The following KCNH8 variants were observed in gnomAD, a reference collection of about 807,000 sequenced individuals.
The protein encoded by KCNH8 is voltage-gated delayed rectifier potassium channel KCNH8.
A neutral mutation model predicts 103.6 loss-of-function variants in KCNH8; 70 were observed. The ratio of observed to expected loss-of-function variants is 0.68; its 90% CI spans 0.56 to 0.82. KCNH8 has a LOEUF of 0.82. KCNH8 is among the 40% of genes least tolerant of loss of function. The probability of loss-of-function intolerance (pLI) is 0.00; values close to 1 mark genes in which losing one functional copy is unlikely to be tolerated. For missense variants in KCNH8, 1,217 were observed against 1,329.9 expected, an observed-to-expected ratio of 0.92 and a Z score of 1.32; for synonymous variants, 498 against 489.4, an observed-to-expected ratio of 1.02 and a Z score of -0.23.
intron 10 of KCNH8, among the ~76,000 whole-genome samples, chr3:19,456,467 A>T (rs914704236): frequency 6.6e-5 from 10 of 152,084 alleles, no homozygotes; most frequent in African/African-American, 2.4e-4. Flanking sequence ...AATGGGAAGT[A>T]GAGGCCATTT....
intron 1 of KCNH8, among the ~76,000 whole-genome samples, chr3:19,216,632 CTTTA>C (rs765933192): frequency 6.6e-6 from 1 of 152,112 alleles, no homozygotes; most frequent in Non-Finnish European, 1.5e-5. Flanking sequence ...TCCTTGCCAC[CTTTA>C]TTTATGTGAT....
At chr3:19,517,950 TAAG>T (rs150776013) in intron 14 of KCNH8, 45 bp from the exon 15 acceptor site, 72,192 of 1,448,712 alleles carry the variant, frequency 0.05, 1,903 homozygotes, top group South Asian at 0.076. Flanking sequence ...TCCTCAAATA[TAAG>T]GTTTATTCCT....
intron 1 of KCNH8, among the ~76,000 whole-genome samples, chr3:19,222,084 C>T (rs1335492063): frequency 1.3e-5 from 2 of 152,104 alleles, no homozygotes; most frequent in South Asian, 2.1e-4. Flanking sequence ...CTCCTGACCC[C>T]GTGATCCTCC....
At position 19,438,340 on chromosome 3, in the gene KCNH8, A is replaced by G. The variant is rs2067231252; in HGVS notation, c.1354A>G (p.Ile452Val). ...ANTDAEKIFSICTMLIGALMH... is the reference protein window; with the variant it reads ...ANTDAEKIFSVCTMLIGALMH... ...TACAGATGCAGAAAAGATCTTCTCC[A>G]TCTGCACCATGCTGATTGGTGGTAA... The change falls in exon 8 of 16, where the codon ATC (isoleucine) becomes GTC (valine). Residue 452 changes from isoleucine to valine, a missense_variant. Ile to Val is a conservative substitution (Grantham distance 29, BLOSUM62 3). Coordinates refer to ENST00000328405, the MANE Select transcript of KCNH8 (RefSeq NM_144633.3). 6.2e-7 allele frequency: 1 copy of G among 1,613,888 alleles called. No homozygotes were observed. Among genetic ancestry groups the G allele is most frequent in the Admixed American group, 1.7e-5 (1 of 59,958 alleles).
chr3:19,374,009 G>A (rs1441282801), intron 5 of KCNH8, among the ~76,000 whole-genome samples: 3 of 152,164 alleles, frequency 2.0e-5, no homozygotes, highest in Non-Finnish European at 4.4e-5. Context: ...TACATTTGCT[G>A]AGGAGTGCTT....
At chr3:19,290,452 A>G (rs1178887215) in intron 3 of KCNH8, among the ~76,000 whole-genome samples, 1 of 152,214 alleles carries the variant, frequency 6.6e-6, no homozygotes, top group African/African-American at 2.4e-5. Context: ...AGTTTTTATC[A>G]TGAAGAGTTG....
intron 3 of KCNH8, among the ~76,000 whole-genome samples, chr3:19,335,475 A>ATG (rs2065571566): frequency 1.5e-5 from 1 of 66,940 alleles, no homozygotes; most frequent in African/African-American, 8.0e-5. Flanking sequence ...GTGTATATAT[A>ATG]TGTGTGTGTA....
Position 19,482,058 on chromosome 3 carries a change from A to T in KCNH8, c.2040+25076A>T, listed in dbSNP as rs190585271. On this transcript the variant is annotated intron_variant, in intron 11 of 15. Coordinates refer to ENST00000328405, the MANE Select transcript of KCNH8 (RefSeq NM_144633.3). ...TTCTTGTCCCTTTTAAAGGCTTACA[A>T]CTCTAAGGGTGTCCATGTGAGAGGG... 3.9e-5 allele frequency among the ~76,000 whole-genome samples: 6 copies of T among 152,088 alleles called. No homozygotes were observed. The South Asian group carries it at 8.3e-4, about 21-fold the overall frequency.
At chr3:19,330,607 G>C (rs1559479427) in intron 3 of KCNH8, among the ~76,000 whole-genome samples, 1 of 152,184 alleles carries the variant, frequency 6.6e-6, no homozygotes, top group Non-Finnish European at 1.5e-5. Context: ...ACAAACACAA[G>C]ATTTGGGAAA....
chr3:19,179,540 C>T (rs921861825), intron 1 of KCNH8, among the ~76,000 whole-genome samples: 1 of 152,020 alleles, frequency 6.6e-6, no homozygotes, highest in East Asian at 1.9e-4. Flanking sequence ...GGTAGTATTT[C>T]AGAACAAATT....
chr3:19,490,059 C>T (rs895309436), intron 11 of KCNH8, among the ~76,000 whole-genome samples: 2 of 152,208 alleles, frequency 1.3e-5, no homozygotes, highest in Non-Finnish European at 2.9e-5. Flanking sequence ...ACCGCTCTGA[C>T]GAGGCGTTCC....
chr3:19,206,124 G>C (rs1265606712), intron 1 of KCNH8, among the ~76,000 whole-genome samples: 1 of 139,460 alleles, frequency 7.2e-6, no homozygotes, highest in Non-Finnish European at 1.5e-5. Context: ...CATCCAGGTT[G>C]CTGTGAATGT....
intron 12 of KCNH8, among the ~76,000 whole-genome samples, chr3:19,512,175 G>A (rs2068794287): frequency 6.6e-6 from 1 of 152,294 alleles, no homozygotes; most frequent in Non-Finnish European, 1.5e-5. Flanking sequence ...ACTCTGTTGA[G>A]GGCCACTAGT....
intron 1 of KCNH8, among the ~76,000 whole-genome samples, chr3:19,204,413 G>C (rs59046749): frequency 6.6e-6 from 1 of 151,856 alleles, no homozygotes; most frequent in African/African-American, 2.4e-5. Flanking sequence ...CTCTTGCTGG[G>C]AGTGGGGGAA....
intron 11 of KCNH8, among the ~76,000 whole-genome samples, chr3:19,466,272 T>C (rs933373647): frequency 3.9e-5 from 6 of 152,132 alleles, no homozygotes; most frequent in Non-Finnish European, 8.8e-5. Context: ...TGAGATGGAA[T>C]CTACTCATGG....
At chr3:19,528,262 T>G (rs186499630) in intron 15 of KCNH8, among the ~76,000 whole-genome samples, 1 of 152,216 alleles carries the variant, frequency 6.6e-6, no homozygotes, top group East Asian at 1.9e-4. Context: ...GTTAGCCAAA[T>G]TTCAGTTGAT....
chr3:19,279,906 C>T (rs935496028), intron 2 of KCNH8, among the ~76,000 whole-genome samples: 4 of 152,048 alleles, frequency 2.6e-5, no homozygotes, highest in African/African-American at 9.7e-5. Flanking sequence ...TTCTGACCCT[C>T]ATATTTTTGT....
intron 1 of KCNH8, among the ~76,000 whole-genome samples, chr3:19,170,535 A>G (rs1383772156): frequency 6.7e-6 from 1 of 149,288 alleles, no homozygotes; most frequent in Non-Finnish European, 1.5e-5. Flanking sequence ...GGATGTTCCA[A>G]CTTCAATGTT....
intron 10 of KCNH8, among the ~76,000 whole-genome samples, chr3:19,452,508 T>A (rs1290160335): frequency 6.6e-6 from 1 of 152,176 alleles, no homozygotes; most frequent in Non-Finnish European, 1.5e-5. Flanking sequence ...CCAAAATCCT[T>A]GCCTGCATGA....
Sources: allele counts gnomAD v4.1 joint callset (sites outside exome capture counted in the v4.1 genomes callset), GRCh38; gene constraint gnomAD v4.1.1; transcripts MANE v1.5; gene names NCBI Gene and HGNC (gene_info 2026-07-23, HGNC 2026-07-21).